Variants in TMEM123 observed in about 807,000 individuals in gnomAD.
TMEM123 encodes the protein transmembrane protein 123.
In TMEM123, 16 loss-of-function variants were observed where a neutral mutation model predicts 19.7. The ratio of observed to expected loss-of-function variants is 0.81; its 90% CI spans 0.55 to 1.23. The LOEUF (loss-of-function observed/expected upper bound fraction) is 1.23, where lower values mean the gene tolerates loss of function less well. Among genes scored for constraint, TMEM123 ranks in the 50% most tolerant of loss-of-function variants. The pLI, the probability that TMEM123 is intolerant of heterozygous loss-of-function variation, is 0.00. For missense variants in TMEM123, 313 were observed against 257.8 expected, an observed-to-expected ratio of 1.21 and a Z score of -1.47; for synonymous variants, 118 against 99.4, an observed-to-expected ratio of 1.19 and a Z score of -1.12.
chr11:102,397,932 CAATT>C lies in TMEM123; in HGVS notation c.*931_*934del, dbSNP rs1951875708. On this transcript the variant is annotated 3_prime_UTR_variant, in exon 5 of 5. Transcript: ENST00000398136. ...TCTTAAAGTTAGGTGTGTTTACACT[CAATT>C]AAAAATTTCTAGATATTGAAAGCAG... 2 of 152,004 alleles carry C rather than the reference CAATT, an allele frequency of 1.3e-5. No homozygotes were observed. Among genetic ancestry groups the C allele is most frequent in the South Asian group, 2.1e-4 (1 of 4,826 alleles). 9.4% of individuals were successfully genotyped at this position (152,004 alleles called of 1,614,324 possible).
chr11:102,431,914 G>T (rs1857714746), intron 2 of TMEM123, among the ~76,000 whole-genome samples: 1 of 152,156 alleles, frequency 6.6e-6, no homozygotes, highest in Non-Finnish European at 1.5e-5. Context: ...TCTCCCTGCT[G>T]GCACTTTCTC....
rs760575988 is a variant in TMEM123 at position 102,396,414 on chromosome 11, AAAG to A, written c.*2450_*2452del. The A allele has an allele frequency of 5.7e-4, 87 of 152,350 alleles. No homozygotes were observed. The highest frequency in any genetic ancestry group is 1.8e-3 in the African/African-American group (75 of 41,572). The allele number at this position is 152,350 out of a possible 1,614,324, so 9.4% of individuals were successfully genotyped here. ...AAAGCTGGTCATTATAATAAAAAGAAAAGAAGAGTTTAACTTTTTTTTTGTGAA... is the reference window on the plus strand; with the variant it reads ...AAAGCTGGTCATTATAATAAAAAGAAAAGAGTTTAACTTTTTTTTTGTGAA... On this transcript the variant is annotated 3_prime_UTR_variant, in exon 5 of 5. Transcript: ENST00000398136.
At chr11:102,433,469 GCCTGTACTCA>G (rs1367312344) in intron 2 of TMEM123, among the ~76,000 whole-genome samples, 5 of 151,860 alleles carry the variant, frequency 3.3e-5, no homozygotes. Flanking sequence ...TTTACCCAAT[GCCTGTACTCA>G]CATTGTATCT....
Position 102,402,161 on chromosome 11 carries a change from T to C in TMEM123, c.203A>G (p.Asn68Ser), listed in dbSNP as rs765778342. The change falls in exon 3 of 5, where the codon AAC (asparagine) becomes AGC (serine). Residue 68 changes from asparagine (N) to serine (S), a missense_variant. Coordinates refer to ENST00000398136, the MANE Select transcript of TMEM123 (RefSeq NM_052932.3). ...VPSDHTNETS[N>S]STVKPPTSVA... The stretch of plus-strand genomic sequence containing the variant: ...TGAAGTTGGTGGTTTCACAGTACTG[T>C]TGGAAGTTTCATTTGTATGGTCAGA... 56 of 1,613,996 alleles carry C rather than the reference T, an allele frequency of 3.5e-5. No homozygotes were observed. The highest frequency in any genetic ancestry group is 1.6e-4 in the Middle Eastern group (1 of 6,084).
chr11:102,439,941 G>A (rs191031391), intron 2 of TMEM123, among the ~76,000 whole-genome samples: 2 of 152,334 alleles, frequency 1.3e-5, no homozygotes, highest in Admixed American at 1.3e-4. Context: ...CTAGAAGAAA[G>A]TGTATCAGTG....
intron 2 of TMEM123, among the ~76,000 whole-genome samples, chr11:102,438,763 A>G (rs117275062): frequency 0.045 from 6,822 of 152,288 alleles, 214 homozygotes; most frequent in Non-Finnish European, 0.073. Flanking sequence ...TGCAGCCCAC[A>G]GAGCGTAAGC....
intron 2 of TMEM123, among the ~76,000 whole-genome samples, chr11:102,416,386 G>A (rs1000427224): frequency 2.0e-5 from 3 of 152,042 alleles, no homozygotes; most frequent in Admixed American, 1.3e-4. Flanking sequence ...ACACCACTAC[G>A]TATACAAACT....
At chr11:102,425,445 C>T (rs1307043256) in intron 2 of TMEM123, among the ~76,000 whole-genome samples, 1 of 152,158 alleles carries the variant, frequency 6.6e-6, no homozygotes, top group South Asian at 2.1e-4. Context: ...CCCCTCACCA[C>T]TGTTCATGTT....
chr11:102,429,954 A>G lies in TMEM123; in HGVS notation c.157+18858T>C, dbSNP rs563331264. 1.2e-3 allele frequency among the ~76,000 whole-genome samples: 190 copies of G among 152,342 alleles called. 1 individual carries two copies. The highest frequency in any genetic ancestry group is 2.4e-3 in the Admixed American group (36 of 15,300). On this transcript the variant is annotated intron_variant, in intron 2 of 4. Coordinates refer to ENST00000398136, the MANE Select transcript of TMEM123 (RefSeq NM_052932.3). ...CAGAAGCAGCCTGTGCGATGGGAGC[A>G]CCACACAGCAGGAAGACTGGTGGCA...
chr11:102,405,045 TTTC>T (rs1951943616), intron 2 of TMEM123, among the ~76,000 whole-genome samples: 1 of 151,212 alleles, frequency 6.6e-6, no homozygotes, highest in African/African-American at 2.4e-5. Flanking sequence ...TATGACCTAT[TTTC>T]TTTTTTCTTT....
intron 1 of TMEM123, 95 bp from the exon 2 acceptor site, chr11:102,448,963 G>T: frequency 8.4e-7 from 1 of 1,195,164 alleles, no homozygotes; most frequent in Non-Finnish European, 1.2e-6. Context: ...AGGGGTAGTG[G>T]TGTCAGGAGG....
At chr11:102,416,502 C>T (rs1952044834) in intron 2 of TMEM123, among the ~76,000 whole-genome samples, 1 of 151,948 alleles carries the variant, frequency 6.6e-6, no homozygotes, top group Admixed American at 6.6e-5. Context: ...TGAGTTCTGA[C>T]ATAAAATCAG....
At chr11:102,412,157 C>T (rs993612705) in intron 2 of TMEM123, among the ~76,000 whole-genome samples, 2 of 152,146 alleles carry the variant, frequency 1.3e-5, no homozygotes, top group African/African-American at 2.4e-5. Flanking sequence ...AGGCCAGGCA[C>T]GGTGGCTCAT....
intron 2 of TMEM123, among the ~76,000 whole-genome samples, chr11:102,445,024 TG>T (rs1258088667): frequency 1.2e-5 from 1 of 81,944 alleles, no homozygotes; most frequent in African/African-American, 4.9e-5. Flanking sequence ...TGTCGTGGGG[TG>T]GGGGGAAGGG....
At chr11:102,440,532 T>C (rs1857814065) in intron 2 of TMEM123, among the ~76,000 whole-genome samples, 1 of 152,122 alleles carries the variant, frequency 6.6e-6, no homozygotes, top group African/African-American at 2.4e-5. Flanking sequence ...GCCTGCCTTA[T>C]AAGAGCTCCT....
chr11:102,422,522 T>C (rs1358263374), intron 2 of TMEM123, among the ~76,000 whole-genome samples: 2 of 152,110 alleles, frequency 1.3e-5, no homozygotes, highest in African/African-American at 4.8e-5. Flanking sequence ...ACATCTGTGT[T>C]CTCATCATTC....
rs185794139 is a variant in TMEM123, at chr11:102,428,479, T to A, written c.157+20333A>T. On this transcript the variant is annotated intron_variant, in intron 2 of 4. Coordinates refer to ENST00000398136, the MANE Select transcript of TMEM123 (RefSeq NM_052932.3). ...ACCACACCCAGCTTTTTTTTTTTTT[T>A]ATTTTTTAGTAGAGACGGGGTTTTG... is the stretch of plus-strand genomic sequence containing the variant. 5.7e-3 allele frequency among the ~76,000 whole-genome samples: 857 copies of A among 151,062 alleles called. 7 individuals are homozygous for A. Among genetic ancestry groups the A allele is most frequent in the African/African-American group, 0.02 (821 of 40,990 alleles).
intron 2 of TMEM123, among the ~76,000 whole-genome samples, chr11:102,444,679 A>C (rs563269869): frequency 1.2e-3 from 185 of 151,894 alleles, no homozygotes; most frequent in African/African-American, 4.1e-3. Context: ...CATAGAACTT[A>C]AAGTATAATA....
intron 2 of TMEM123, among the ~76,000 whole-genome samples, chr11:102,431,483 G>GA (rs1412409715): frequency 6.6e-6 from 1 of 152,092 alleles, no homozygotes; most frequent in South Asian, 2.1e-4. Context: ...AATAGAACTA[G>GA]AAAAAAGAAA....
Sources: allele counts gnomAD v4.1 joint callset (sites outside exome capture counted in the v4.1 genomes callset), GRCh38; gene constraint gnomAD v4.1.1; transcripts MANE v1.5; gene names NCBI Gene and HGNC (gene_info 2026-07-23, HGNC 2026-07-21).